RIMS2: variants seen among roughly 807,000 people sequenced by gnomAD.
RIMS2 encodes regulating synaptic membrane exocytosis protein 2.
In RIMS2, 59 loss-of-function variants were observed where a neutral mutation model predicts 174.4. The ratio of observed to expected loss-of-function variants is 0.34; its 90% CI spans 0.27 to 0.42. The LOEUF is 0.42. Ranked by LOEUF, RIMS2 falls within the 10% of genes least tolerant of loss-of-function variation. The pLI is 1.00. For synonymous variants in RIMS2, 606 were observed against 572.5 expected (o/e 1.06, Z -0.84); for missense variants, 1,620 against 1,666.3 (o/e 0.97, Z 0.48).
chr8:104,100,874 G>A (rs889825377), intron 19 of RIMS2, among the ~76,000 whole-genome samples: 1 of 135,206 alleles, frequency 7.4e-6, no homozygotes, highest in South Asian at 2.2e-4. Flanking sequence ...TATTATATAT[G>A]TAATATATAT....
chr8:103,850,265 T>C (rs1432501490), intron 3 of RIMS2, among the ~76,000 whole-genome samples: 1 of 152,092 alleles, frequency 6.6e-6, no homozygotes, highest in Admixed American at 6.6e-5. Flanking sequence ...GATTTGTATC[T>C]TGTAGAACAA....
intron 17 of RIMS2, among the ~76,000 whole-genome samples, chr8:104,010,167 T>A (rs1597070229): frequency 6.6e-6 from 1 of 152,114 alleles, no homozygotes; most frequent in Non-Finnish European, 1.5e-5. Flanking sequence ...TTAAGAAACC[T>A]AAAGTACATC....
chr8:103,827,712 G>A (rs1231562428), intron 3 of RIMS2, among the ~76,000 whole-genome samples: 1 of 152,100 alleles, frequency 6.6e-6, no homozygotes, highest in African/African-American at 2.4e-5. Flanking sequence ...GTGTGTGTCT[G>A]TAATCCCTGC....
At position 103,951,562 on chromosome 8, in the gene RIMS2, T is replaced by C. The variant is rs2085372869; in HGVS notation, c.2701+8636T>C. On this transcript the variant is annotated intron_variant, in intron 14 of 23. Transcript: ENST00000504942. ...ACCCATTAGGGACTGTACCTTGGAC[T>C]CTGGCCCAGATACTGTGCTTTTCCC... 7.2e-5 allele frequency among the ~76,000 whole-genome samples: 11 copies of C among 152,318 alleles called. 1 individual carries two copies. In the South Asian group the frequency reaches 2.1e-3, roughly 29 times the overall value.
At chr8:103,508,307 T>G (rs1824668833) in intron 1 of RIMS2, among the ~76,000 whole-genome samples, 1 of 152,016 alleles carries the variant, frequency 6.6e-6, no homozygotes, top group Non-Finnish European at 1.5e-5. Flanking sequence ...CATGGATATA[T>G]TTTACAAGAG....
chr8:103,837,646 A>G (rs1038391316), intron 3 of RIMS2, among the ~76,000 whole-genome samples: 5 of 152,052 alleles, frequency 3.3e-5, no homozygotes, highest in African/African-American at 1.2e-4. Context: ...TTTGCTGAGA[A>G]TGATGGTTTC....
At chr8:104,041,609 A>G (rs180681144) in intron 19 of RIMS2, among the ~76,000 whole-genome samples, 2 of 151,820 alleles carry the variant, frequency 1.3e-5, no homozygotes, top group African/African-American at 4.8e-5. Context: ...CATAAACTGA[A>G]TAACTAAAGG....
chr8:104,077,408 G>A (rs1011643231), intron 19 of RIMS2, among the ~76,000 whole-genome samples: 11 of 151,354 alleles, frequency 7.3e-5, no homozygotes, highest in African/African-American at 2.7e-4. Flanking sequence ...AAAAACAGGT[G>A]GGGAGAAAAG....
intron 1 of RIMS2, among the ~76,000 whole-genome samples, chr8:103,596,390 T>G (rs571626148): frequency 2.4e-4 from 37 of 152,172 alleles, no homozygotes; most frequent in Non-Finnish European, 4.9e-4. Flanking sequence ...TTTTGTTTTG[T>G]TTTTGTTGTT....
At chr8:103,733,264 G>C (rs1003191312) in intron 2 of RIMS2, among the ~76,000 whole-genome samples, 2 of 152,030 alleles carry the variant, frequency 1.3e-5, no homozygotes, top group South Asian at 4.2e-4. Context: ...GAGTCTGCCT[G>C]GTACCCTGTT....
At chr8:103,981,331 C>A (rs2093887454) in intron 16 of RIMS2, among the ~76,000 whole-genome samples, 1 of 152,178 alleles carries the variant, frequency 6.6e-6, no homozygotes, top group African/African-American at 2.4e-5. Flanking sequence ...TCAAAGACCA[C>A]CAAGGTGGTA....
intron 17 of RIMS2, among the ~76,000 whole-genome samples, chr8:103,995,243 G>T (rs1051486410): frequency 7.2e-5 from 11 of 151,910 alleles, no homozygotes; most frequent in African/African-American, 2.4e-4. Flanking sequence ...TATTTGAGTG[G>T]GTCAGCCATT....
intron 2 of RIMS2, among the ~76,000 whole-genome samples, chr8:103,749,692 T>G (rs925727485): frequency 1.3e-5 from 2 of 152,164 alleles, no homozygotes; most frequent in African/African-American, 4.8e-5. Flanking sequence ...TGAGAATTAC[T>G]AAATTTTCAC....
intron 19 of RIMS2, among the ~76,000 whole-genome samples, chr8:104,120,372 G>A (rs1260670161): frequency 6.6e-6 from 1 of 152,066 alleles, no homozygotes; most frequent in African/African-American, 2.4e-5. Flanking sequence ...CCTAACATTA[G>A]TCATTGGCAA....
At chr8:104,061,097 A>G (rs2096977943) in intron 19 of RIMS2, among the ~76,000 whole-genome samples, 1 of 152,204 alleles carries the variant, frequency 6.6e-6, no homozygotes, top group African/African-American at 2.4e-5. Flanking sequence ...CACTTGGTGC[A>G]GAGCTGAGTT....
At chr8:104,240,223 T>C (rs1236352559) in intron 19 of RIMS2, among the ~76,000 whole-genome samples, 1 of 152,236 alleles carries the variant, frequency 6.6e-6, no homozygotes, top group Non-Finnish European at 1.5e-5. Context: ...TATCCTTAAT[T>C]ACATCTGCAA....
intron 19 of RIMS2, among the ~76,000 whole-genome samples, chr8:104,233,603 G>A (rs557120659): frequency 6.6e-6 from 1 of 152,264 alleles, no homozygotes; most frequent in Non-Finnish European, 1.5e-5. Context: ...CTATGGCCAC[G>A]AAGGTTTGTA....
intron 2 of RIMS2, among the ~76,000 whole-genome samples, chr8:103,753,802 A>G (rs973278860): frequency 6.6e-6 from 1 of 152,010 alleles, no homozygotes; most frequent in Non-Finnish European, 1.5e-5. Flanking sequence ...TATTGCGTCT[A>G]TTTGATTCTT....
chr8:103,503,279 G>A (rs1821467603), intron 1 of RIMS2, among the ~76,000 whole-genome samples: 1 of 150,552 alleles, frequency 6.6e-6, no homozygotes, highest in Admixed American at 6.6e-5. Flanking sequence ...TGGACATTTG[G>A]TTTTAAATGT....
Sources: gnomAD v4.1 joint callset for allele counts (sites outside exome capture counted in the v4.1 genomes callset) on GRCh38, gnomAD v4.1.1 for gene constraint, MANE v1.5 for transcripts, NCBI Gene and HGNC (gene_info 2026-07-23, HGNC 2026-07-21) for gene names.